Variants in CHRM2 observed in about 807,000 individuals in gnomAD.
CHRM2 encodes the protein cholinergic receptor muscarinic 2.
A neutral mutation model predicts 25.0 loss-of-function variants in CHRM2; 8 were observed. The observed-to-expected ratio is 0.32, with a 90% CI of 0.19 to 0.58. The LOEUF is 0.58. Among genes scored for constraint, CHRM2 ranks in the 20% least tolerant of loss-of-function variants. The probability of loss-of-function intolerance (pLI) is 0.88; values close to 1 mark genes in which losing one functional copy is unlikely to be tolerated. For synonymous variants in CHRM2, 202 were observed against 205.7 expected, an observed-to-expected ratio of 0.98 and a Z score of 0.15; for missense variants, 440 against 567.1, an observed-to-expected ratio of 0.78 and a Z score of 2.28.
At chr7:136,994,521 CTTTTTTTTTTTTTT>C (rs757243972) in intron 3 of CHRM2, among the ~76,000 whole-genome samples, 1 of 71,416 alleles carries the variant, frequency 1.4e-5, no homozygotes, top group Non-Finnish European at 2.8e-5. Context: ...TTTTTCTTTT[CTTTTTTTTTTTTTT>C]TTTTTTTTTT....
At chr7:136,990,295 T>C (rs545734952) in intron 2 of CHRM2, among the ~76,000 whole-genome samples, 140 of 152,216 alleles carry the variant, frequency 9.2e-4, no homozygotes, top group African/African-American at 3.1e-3. Flanking sequence ...TAGACAAATA[T>C]ATAATGACAT....
chr7:136,939,534 T>G (rs1354102074), intron 2 of CHRM2, among the ~76,000 whole-genome samples: 1 of 152,242 alleles, frequency 6.6e-6, no homozygotes, highest in Non-Finnish European at 1.5e-5. Context: ...ACTTTTTATA[T>G]GTTAGCATTC....
intron 2 of CHRM2, among the ~76,000 whole-genome samples, chr7:136,883,678 G>A (rs1017418795): frequency 6.6e-6 from 1 of 152,064 alleles, no homozygotes; most frequent in African/African-American, 2.4e-5. Flanking sequence ...ATTCTTTCTG[G>A]TTTGTGTGGG....
chr7:136,912,602 AG>A (rs1282017166), intron 2 of CHRM2, among the ~76,000 whole-genome samples: 1 of 151,872 alleles, frequency 6.6e-6, no homozygotes, highest in African/African-American at 2.4e-5. Context: ...ATCAATGGGT[AG>A]CAGAGCCACC....
chr7:136,898,253 T>C (rs2278071), intron 2 of CHRM2, among the ~76,000 whole-genome samples: 34,922 of 152,026 alleles, frequency 0.23, 5,008 homozygotes, highest in Non-Finnish European at 0.32. Flanking sequence ...ACTTTGGGAA[T>C]GAAAAACAAA....
intron 2 of CHRM2, among the ~76,000 whole-genome samples, chr7:136,968,072 T>C (rs1801525537): frequency 6.6e-6 from 1 of 152,090 alleles, no homozygotes; most frequent in Non-Finnish European, 1.5e-5. Context: ...AATGATTGTA[T>C]GTATTTATGT....
At chr7:136,987,422 C>G (rs1802931612) in intron 2 of CHRM2, among the ~76,000 whole-genome samples, 1 of 152,232 alleles carries the variant, frequency 6.6e-6, no homozygotes, top group South Asian at 2.1e-4. Flanking sequence ...TGAACATCCT[C>G]TCACCATTAA....
Position 136,906,110 on chromosome 7 carries a change from T to A in CHRM2, c.-125+36692T>A, listed in dbSNP as rs185049847. Among the ~76,000 whole-genome samples the A allele has an allele frequency of 6.7e-3, 1,011 of 150,982 alleles. 7 individuals carry two copies. The highest frequency in any genetic ancestry group is 0.023 in the African/African-American group (951 of 41,374). On this transcript the variant is annotated intron_variant, in intron 2 of 3. Transcript: ENST00000680005. ...AAAATTTACAATATGTATGTATATA[T>A]GTGTGTGTATATATACACACGTTTT...
At chr7:136,926,570 T>C (rs907539776) in intron 2 of CHRM2, among the ~76,000 whole-genome samples, 4 of 152,070 alleles carry the variant, frequency 2.6e-5, no homozygotes, top group Non-Finnish European at 5.9e-5. Context: ...AAAAAAGGAG[T>C]CCTATTATTC....
At chr7:136,901,435 G>T (rs975263843) in intron 2 of CHRM2, among the ~76,000 whole-genome samples, 8 of 152,066 alleles carry the variant, frequency 5.3e-5, no homozygotes, top group Middle Eastern at 6.8e-3. Flanking sequence ...TACAGGAAAA[G>T]AAAAATGTGT....
chr7:136,940,035 A>G (rs1271819050), intron 2 of CHRM2, among the ~76,000 whole-genome samples: 2 of 152,232 alleles, frequency 1.3e-5, no homozygotes, highest in African/African-American at 4.8e-5. Context: ...ATATTTGTGG[A>G]TAAGAAGAGC....
chr7:136,876,047 T>A (rs756494458), intron 2 of CHRM2, among the ~76,000 whole-genome samples: 1 of 152,130 alleles, frequency 6.6e-6, no homozygotes, highest in Non-Finnish European at 1.5e-5. Context: ...ATATTTGGCA[T>A]CCTCTATCTC....
intron 3 of CHRM2, among the ~76,000 whole-genome samples, chr7:136,992,639 G>A (rs578099506): frequency 1.2e-3 from 185 of 152,194 alleles, no homozygotes; most frequent in African/African-American, 3.8e-3. Flanking sequence ...ATTTCCTCTA[G>A]AAGCAATATT....
intron 2 of CHRM2, among the ~76,000 whole-genome samples, chr7:136,940,321 C>T (rs940943235): frequency 2.0e-5 from 3 of 152,144 alleles, no homozygotes; most frequent in African/African-American, 7.2e-5. Flanking sequence ...AGTATACTCG[C>T]GTTGAACAGA....
chr7:136,991,680 A>G (rs1803242308), intron 2 of CHRM2, among the ~76,000 whole-genome samples: 1 of 152,080 alleles, frequency 6.6e-6, no homozygotes, highest in African/African-American at 2.4e-5. Flanking sequence ...ATAGATTGAC[A>G]ATCTTCTCTT....
intron 2 of CHRM2, among the ~76,000 whole-genome samples, chr7:136,888,200 T>C (rs1001107697): frequency 6.6e-6 from 1 of 152,196 alleles, no homozygotes; most frequent in African/African-American, 2.4e-5. Context: ...GCCATGCCCA[T>C]CGAGTCGTAG....
intron 2 of CHRM2, among the ~76,000 whole-genome samples, chr7:136,901,183 G>A (rs1797186911): frequency 6.6e-6 from 1 of 152,098 alleles, no homozygotes; most frequent in Middle Eastern, 3.4e-3. Flanking sequence ...CCTGGGAAAG[G>A]AAAAATTCCA....
At chr7:136,931,900 A>G (rs976273973) in intron 2 of CHRM2, among the ~76,000 whole-genome samples, 2 of 152,226 alleles carry the variant, frequency 1.3e-5, no homozygotes, top group Admixed American at 1.3e-4. Context: ...AAACAAATGT[A>G]TAATGTTTTG....
At chr7:136,889,047 CAAAAAAAAAA>C (rs56915229) in intron 2 of CHRM2, among the ~76,000 whole-genome samples, 7 of 66,492 alleles carry the variant, frequency 1.1e-4, no homozygotes, top group Admixed American at 1.9e-4. Flanking sequence ...GACTACATCT[CAAAAAAAAAA>C]AAAAAAAAAA....
Sources: allele counts gnomAD v4.1 joint callset (sites outside exome capture counted in the v4.1 genomes callset), GRCh38; gene constraint gnomAD v4.1.1; transcripts MANE v1.5; gene names NCBI Gene and HGNC (gene_info 2026-07-23, HGNC 2026-07-21).